The following CNTNAP2 variants were observed in gnomAD, a reference collection of about 807,000 sequenced individuals.
CNTNAP2 encodes contactin-associated protein-like 2.
CNTNAP2 carries 98 observed loss-of-function variants against 155.2 expected under a neutral mutation model. The ratio of observed to expected loss-of-function variants is 0.63; its 90% CI spans 0.54 to 0.75. The LOEUF (loss-of-function observed/expected upper bound fraction) is 0.75. Ranked by LOEUF, CNTNAP2 falls within the 30% of genes least tolerant of loss-of-function variation. CNTNAP2 has a pLI of 0.00. For synonymous variants in CNTNAP2, 651 were observed against 631.2 expected (o/e 1.03, Z -0.47); for missense variants, 1,727 against 1,688.1 (o/e 1.02, Z -0.40).
intron 14 of CNTNAP2, among the ~76,000 whole-genome samples, chr7:147,966,772 A>T (rs1289123586): frequency 6.6e-6 from 1 of 152,300 alleles, no homozygotes. Flanking sequence ...AAGGGAAAGA[A>T]ACATGGATGT....
chr7:147,220,001 G>C (rs1458771498), intron 8 of CNTNAP2, among the ~76,000 whole-genome samples: 1 of 148,660 alleles, frequency 6.7e-6, no homozygotes, highest in Non-Finnish European at 1.5e-5. Flanking sequence ...GTGTTAGCCA[G>C]GATGGTCTCT....
chr7:147,909,744 C>A (rs1483448878), intron 14 of CNTNAP2, among the ~76,000 whole-genome samples: 1 of 152,062 alleles, frequency 6.6e-6, no homozygotes, highest in Non-Finnish European at 1.5e-5. Context: ...ATTAGCAATT[C>A]GAAAATGAAA....
chr7:147,109,708 G>T (rs1032397945), intron 5 of CNTNAP2, among the ~76,000 whole-genome samples: 2 of 152,030 alleles, frequency 1.3e-5, no homozygotes, highest in African/African-American at 2.4e-5. Flanking sequence ...CTACTCTGTG[G>T]AATAGAAAAG....
At chr7:148,281,896 C>T (rs943425839) in intron 21 of CNTNAP2, among the ~76,000 whole-genome samples, 3 of 133,968 alleles carry the variant, frequency 2.2e-5, no homozygotes, top group East Asian at 2.3e-4. Flanking sequence ...AGTGCAATGG[C>T]GTGATCTCAG....
At chr7:148,325,780 T>G (rs1308938231) in intron 21 of CNTNAP2, among the ~76,000 whole-genome samples, 2 of 152,126 alleles carry the variant, frequency 1.3e-5, no homozygotes, top group Non-Finnish European at 2.9e-5. Context: ...TCCTACCTCA[T>G]AGCACCCCAG....
intron 1 of CNTNAP2, among the ~76,000 whole-genome samples, chr7:146,305,916 T>A (rs1225372955): frequency 6.6e-6 from 1 of 151,744 alleles, no homozygotes; most frequent in Non-Finnish European, 1.5e-5. Context: ...CTGAAGGAGA[T>A]AGAGACACAA....
intron 1 of CNTNAP2, among the ~76,000 whole-genome samples, chr7:146,443,274 G>A (rs1258740084): frequency 6.7e-6 from 1 of 148,314 alleles, no homozygotes; most frequent in African/African-American, 2.6e-5. Context: ...ATAAAAGCAT[G>A]GTCAGGTTTT....
intron 2 of CNTNAP2, among the ~76,000 whole-genome samples, chr7:146,821,350 G>A (rs1302947370): frequency 1.3e-5 from 2 of 151,958 alleles, no homozygotes; most frequent in Non-Finnish European, 2.9e-5. Context: ...GCTCTTTTAG[G>A]GCAGGCCTGG....
chr7:147,614,815 A>C (rs1209567118), intron 12 of CNTNAP2, among the ~76,000 whole-genome samples: 2 of 151,870 alleles, frequency 1.3e-5, no homozygotes, highest in Non-Finnish European at 2.9e-5. Context: ...ATTTATTCCT[A>C]TATAGCTCAT....
intron 9 of CNTNAP2, among the ~76,000 whole-genome samples, chr7:147,335,307 T>G (rs1284771683): frequency 2.6e-5 from 4 of 152,162 alleles, no homozygotes; most frequent in Non-Finnish European, 5.9e-5. Flanking sequence ...AAAACTTTAT[T>G]TGGTTTCTGT....
chr7:147,704,338 T>G (rs1309793833), intron 13 of CNTNAP2: 1 of 168,110 alleles, frequency 5.9e-6, no homozygotes, highest in African/African-American at 2.4e-5. Flanking sequence ...TTCAAGAAAA[T>G]CCATGTGTGC....
chr7:148,319,459 AATC>A (rs1219554125), intron 21 of CNTNAP2, among the ~76,000 whole-genome samples: 1 of 152,292 alleles, frequency 6.6e-6, no homozygotes, highest in East Asian at 1.9e-4. Flanking sequence ...TTGTGAATAC[AATC>A]AGTCTGCTAG....
At chr7:146,261,670 C>A (rs988528347) in intron 1 of CNTNAP2, among the ~76,000 whole-genome samples, 2 of 152,146 alleles carry the variant, frequency 1.3e-5, no homozygotes, top group Non-Finnish European at 1.5e-5. Context: ...TCTCAAAATT[C>A]TGATAACTCA....
At chr7:147,717,013 C>T (rs761833039) in intron 13 of CNTNAP2, among the ~76,000 whole-genome samples, 12 of 151,978 alleles carry the variant, frequency 7.9e-5, no homozygotes, top group Non-Finnish European at 1.3e-4. Context: ...AAATACATAA[C>T]AATCTTCTTG....
chr7:146,569,808 G>A (rs190526382), intron 1 of CNTNAP2, among the ~76,000 whole-genome samples: 95 of 152,248 alleles, frequency 6.2e-4, no homozygotes, highest in African/African-American at 2.1e-3. Flanking sequence ...ACAGTGTCAC[G>A]TGCAATTTTA....
At chr7:147,696,399 G>GC (rs527912204) in intron 13 of CNTNAP2, among the ~76,000 whole-genome samples, 104 of 151,936 alleles carry the variant, frequency 6.8e-4, no homozygotes, top group African/African-American at 1.9e-3. Flanking sequence ...ATAAATATTT[G>GC]CAACTAATTC....
At chr7:146,619,083 A>T (rs1799276081) in intron 1 of CNTNAP2, among the ~76,000 whole-genome samples, 1 of 152,094 alleles carries the variant, frequency 6.6e-6, no homozygotes, top group African/African-American at 2.4e-5. Flanking sequence ...TCAAAAAAAA[A>T]AAAAAGTGAA....
intron 9 of CNTNAP2, among the ~76,000 whole-genome samples, chr7:147,340,356 C>A (rs897196839): frequency 6.6e-6 from 1 of 152,112 alleles, no homozygotes; most frequent in Non-Finnish European, 1.5e-5. Flanking sequence ...TTTTAAATCA[C>A]AAAATACATA....
intron 21 of CNTNAP2, among the ~76,000 whole-genome samples, chr7:148,282,334 C>T (rs1796989380): frequency 6.6e-6 from 1 of 152,216 alleles, no homozygotes; most frequent in Admixed American, 6.5e-5. Context: ...AGGCTCAATA[C>T]AGGCTCTGTG....
Sources: gnomAD v4.1 joint callset for allele counts (sites outside exome capture counted in the v4.1 genomes callset) on GRCh38, gnomAD v4.1.1 for gene constraint, MANE v1.5 for transcripts, NCBI Gene and HGNC (gene_info 2026-07-23, HGNC 2026-07-21) for gene names.